POLR2G: variants seen among roughly 807,000 people sequenced by gnomAD.
POLR2G encodes RNA polymerase II subunit G.
Under a neutral mutation model 25.7 loss-of-function variants are expected in POLR2G, and 19 were observed. That is an observed-to-expected ratio of 0.74 (90% CI 0.52 to 1.08). The LOEUF is 1.08. Ranked by LOEUF, POLR2G falls within the 50% of genes least tolerant of loss-of-function variation. POLR2G has a pLI of 0.00. For synonymous variants in POLR2G, 79 were observed against 76.0 expected (o/e 1.04, Z -0.21); for missense variants, 123 against 218.5 (o/e 0.56, Z 2.76).
intron 2 of POLR2G, 152 bp downstream of exon 2, chr11:62,762,056 C>T: frequency 1.6e-6 from 1 of 620,828 alleles, no homozygotes; most frequent in Non-Finnish European, 2.9e-6. Context: ...CTTTGGGTTC[C>T]CAGGGCGCCC....
chr11:62,763,133 T>TTTTC, intron 3 of POLR2G, 107 bp downstream of exon 3: 1 of 547,086 alleles, frequency 1.8e-6, no homozygotes. Context: ...ACTTCACTTT[T>TTTTC]TTTTTTTTTT....
Position 62,764,858 on chromosome 11 carries a change from C to T in POLR2G, c.283-324C>T, listed in dbSNP as rs1486441179. Among the ~76,000 whole-genome samples, 4 of 151,942 alleles carry T rather than the reference C, an allele frequency of 2.6e-5. No homozygotes were observed. In the South Asian group the frequency reaches 6.2e-4, roughly 24 times the overall value. On this transcript the variant is annotated intron_variant, in intron 3 of 7. Transcript: ENST00000301788. Reference sequence around the variant, plus strand: ...AGGGGACAAAGAAAAGGCAAGATCACTCTTTTGTTTTTTTTTTTTGAGACA... The same window carrying T: ...AGGGGACAAAGAAAAGGCAAGATCATTCTTTTGTTTTTTTTTTTTGAGACA...
Position 62,761,850 on chromosome 11 carries a change from T to C in POLR2G, c.68T>C (p.Leu23Pro). ...CCGCGCTACTTCGGCCCCAACTTGC[T>C]CAACACGGTGAAGCAGAAGCTCTTC... ...LHPRYFGPNL[L>P]NTVKQKLFTE... Residue 23 changes from leucine to proline, a missense_variant, in exon 2 of 8, where the codon CTC becomes CCC. Coordinates refer to ENST00000301788, the MANE Select transcript of POLR2G (RefSeq NM_002696.3). 8 of 1,613,810 alleles carry C rather than the reference T, an allele frequency of 5.0e-6. No homozygotes were observed. In the African/African-American group the frequency reaches 5.3e-5, roughly 11 times the overall value.
chr11:62,763,654 A>G (rs763102971), intron 3 of POLR2G, among the ~76,000 whole-genome samples: 3 of 151,860 alleles, frequency 2.0e-5, no homozygotes, highest in African/African-American at 4.8e-5. Context: ...GAGAGTCAGT[A>G]TTAATAGTCA....
chr11:62,765,329 T>C lies in POLR2G; in HGVS notation c.334-11T>C. Reference sequence around the variant, plus strand: ...TTTAAAGTGCTAACCTAGATCTCACTTTCCTTTCAGTCCATCCCTTCAGAG... The same window carrying C: ...TTTAAAGTGCTAACCTAGATCTCACCTTCCTTTCAGTCCATCCCTTCAGAG... On this transcript the variant is annotated splice_polypyrimidine_tract_variant and intron_variant, in intron 4 of 7. Transcript: ENST00000301788. 4 of 1,612,644 alleles carry C rather than the reference T, an allele frequency of 2.5e-6. 1 individual carries two copies. Among genetic ancestry groups the C allele is most frequent in the Non-Finnish European group, 8.5e-7 (1 of 1,178,694 alleles).
rs546764409 is a variant in POLR2G at position 62,766,478 on chromosome 11, T to A, written c.506-16T>A. 2 of 1,613,928 alleles carry A rather than the reference T, an allele frequency of 1.2e-6. No individual in the cohort carries two copies. The highest frequency in any genetic ancestry group is 3.3e-5 in the Admixed American group (2 of 59,994). On this transcript the variant is annotated splice_polypyrimidine_tract_variant and intron_variant, in intron 7 of 7. Transcript: ENST00000301788. The stretch of plus-strand genomic sequence containing the variant: ...AAATTCCGGTTCTAACTGATATGCT[T>A]TTTCTGGTTTCGCAGGGCTTGTAAG...
At chr11:62,766,387 T>A in intron 7 of POLR2G, 107 bp from the exon 8 acceptor site, 2 of 1,514,634 alleles carry the variant, frequency 1.3e-6, no homozygotes, top group Non-Finnish European at 1.8e-6. Flanking sequence ...GAAACTTTCA[T>A]GCTGTCTGCT....
chr11:62,763,714 G>A (rs941763200), intron 3 of POLR2G, among the ~76,000 whole-genome samples: 2 of 151,430 alleles, frequency 1.3e-5, no homozygotes, highest in African/African-American at 4.9e-5. Flanking sequence ...GCTAGGTGAT[G>A]TGCAGAGACT....
intron 6 of POLR2G, 90 bp downstream of exon 6, chr11:62,765,814 G>T (rs1368113838): frequency 5.1e-6 from 4 of 780,378 alleles, no homozygotes; most frequent in Non-Finnish European, 8.6e-6. Context: ...TTGAGACGGA[G>T]TCTTGCTCTG....
At chr11:62,763,195 C>T (rs1471881850) in intron 3 of POLR2G, among the ~76,000 whole-genome samples, 169 bp downstream of exon 3, 1 of 141,256 alleles carries the variant, frequency 7.1e-6, no homozygotes, top group Non-Finnish European at 1.5e-5. Flanking sequence ...TGCAGTGGTG[C>T]GATCTTGGCC....
At chr11:62,766,454 A>G in intron 7 of POLR2G, 40 bp from the exon 8 acceptor site, 1 of 1,613,154 alleles carries the variant, frequency 6.2e-7, no homozygotes, top group Non-Finnish European at 8.5e-7. Flanking sequence ...GGCTACCCTA[A>G]ATTCCGGTTC....
chr11:62,766,436 A>G (rs552330495), intron 7 of POLR2G, 58 bp from the exon 8 acceptor site: 108 of 1,602,148 alleles, frequency 6.7e-5, no homozygotes, highest in Non-Finnish European at 8.5e-5. Flanking sequence ...TGAGGAGTAC[A>G]TGGTTGTGGC....
intron 5 of POLR2G, 97 bp from the exon 6 acceptor site, chr11:62,765,556 G>C (rs1394862515): frequency 1.6e-5 from 17 of 1,084,186 alleles, no homozygotes; most frequent in Non-Finnish European, 1.4e-6. Flanking sequence ...TGAAAGTGAT[G>C]TGCATTCAAT....
Position 62,763,746 on chromosome 11 carries a change from GT to G in POLR2G, c.282+735del, listed in dbSNP as rs113273321. On this transcript the variant is annotated intron_variant, in intron 3 of 7. Transcript: ENST00000301788. ...GACTCACAATGACTCTAAAAGGTGG[GT>G]TTTTTTTTTTTTTTGAGACGGAGTC... 3.5e-3 allele frequency among the ~76,000 whole-genome samples: 488 copies of G among 137,522 alleles called. 1 individual carries two copies. The highest frequency in any genetic ancestry group is 5.7e-3 in the African/African-American group (213 of 37,660). 90.2% of individuals were successfully genotyped at this position (137,522 alleles called of 152,430 possible).
At position 62,761,910 on chromosome 11, in the gene POLR2G, T is replaced by G; in HGVS notation, c.122+6T>G. ...GAGGGGACCTGCACAGGGAAGTGAG[T>G]GTCGAGCTCACCGCACCGCCAGATC... On this transcript the variant is annotated splice_donor_region_variant and intron_variant, in intron 2 of 7. Transcript: ENST00000301788. 6.3e-7 allele frequency: 1 copy of G among 1,583,808 alleles called. No individual in the cohort carries two copies. Among genetic ancestry groups the G allele is most frequent in the Non-Finnish European group, 8.6e-7 (1 of 1,157,386 alleles).
At chr11:62,761,760 G>A in intron 1 of POLR2G, 35 bp from the exon 2 acceptor site, 2 of 1,607,612 alleles carry the variant, frequency 1.2e-6, no homozygotes, top group Non-Finnish European at 1.7e-6. Flanking sequence ...ACCTGCCAGC[G>A]CCTGGCCTGG....
rs1304368420 is a variant in POLR2G, at chr11:62,766,284, C to T, written c.505+8C>T. ...TGATGGACGATTACTTGGGTGAGTG[C>T]CTGATCATAGGTGCTGGGGTTATTG... On this transcript the variant is annotated splice_region_variant and intron_variant, in intron 7 of 7. Coordinates refer to ENST00000301788, the MANE Select transcript of POLR2G (RefSeq NM_002696.3). 6.2e-7 allele frequency: 1 copy of T among 1,612,272 alleles called. No homozygotes were observed. The highest frequency in any genetic ancestry group is 1.3e-5 in the African/African-American group (1 of 74,808).
At chr11:62,764,049 G>C (rs1281443340) in intron 3 of POLR2G, among the ~76,000 whole-genome samples, 1 of 152,126 alleles carries the variant, frequency 6.6e-6, no homozygotes, top group Admixed American at 6.6e-5. Context: ...GCCAGTGGGT[G>C]CTTTTTACAG....
intron 6 of POLR2G, among the ~76,000 whole-genome samples, chr11:62,765,978 A>G (rs1327350915): frequency 5.3e-5 from 8 of 151,770 alleles, no homozygotes; most frequent in Non-Finnish European, 8.8e-5. Flanking sequence ...TAGTACAGAC[A>G]GGGTTTCACC....
Sources: allele counts gnomAD v4.1 joint callset (sites outside exome capture counted in the v4.1 genomes callset), GRCh38; gene constraint gnomAD v4.1.1; transcripts MANE v1.5; gene names NCBI Gene and HGNC (gene_info 2026-07-23, HGNC 2026-07-21).